DDX46: variants seen among roughly 807,000 people sequenced by gnomAD.
DDX46 encodes the protein DEAD-box helicase 46.
A neutral mutation model predicts 134.9 loss-of-function variants in DDX46; 30 were observed. The observed-to-expected ratio is 0.22, with a 90% CI of 0.17 to 0.30. The LOEUF (loss-of-function observed/expected upper bound fraction) is 0.30, where lower values mean the gene tolerates loss of function less well. Among genes scored for constraint, DDX46 ranks in the 10% least tolerant of loss-of-function variants. DDX46 has a pLI of 1.00. For synonymous variants in DDX46, 415 were observed against 404.1 expected, an observed-to-expected ratio of 1.03 and a Z score of -0.32; for missense variants, 622 against 1,248.7, an observed-to-expected ratio of 0.50 and a Z score of 7.56.
intron 16 of DDX46, 43 bp downstream of exon 16, chr5:134,807,984 T>C (rs1755036685): frequency 6.6e-7 from 1 of 1,518,500 alleles, no homozygotes; most frequent in Non-Finnish European, 8.9e-7. Context: ...TATATTAAAA[T>C]ACAGGTGTTT....
chr5:134,801,331 CT>C (rs990443239), intron 15 of DDX46, among the ~76,000 whole-genome samples: 1 of 151,752 alleles, frequency 6.6e-6, no homozygotes, highest in Non-Finnish European at 1.5e-5. Context: ...TTGCAGTTGG[CT>C]TTTTTTTACT....
Position 134,818,981 on chromosome 5 carries a change from G to A in DDX46, c.2954G>A (p.Arg985Gln), listed in dbSNP as rs769155594. The A allele has an allele frequency of 6.2e-7, 1 of 1,613,422 alleles. No homozygotes were observed. Among genetic ancestry groups the A allele is most frequent in the Non-Finnish European group, 8.5e-7 (1 of 1,179,742 alleles). The part of the protein sequence containing the change: ...PPGKEPKEGE[R>Q]KIYLAIESAN... ...GGCAAAGAACCCAAGGAAGGCGAGCGGAAGATTTACTTGGCAATTGAAAGT... is the reference window on the plus strand; with the variant it reads ...GGCAAAGAACCCAAGGAAGGCGAGCAGAAGATTTACTTGGCAATTGAAAGT... The change falls in exon 21 of 23, where the codon CGG becomes CAG. Residue 985 changes from arginine (R) to glutamine (Q), a missense_variant. Coordinates refer to ENST00000452510, the MANE Select transcript of DDX46 (RefSeq NM_001300860.2).
At chr5:134,795,919 G>C (rs1754642039) in intron 14 of DDX46, 69 bp from the exon 15 acceptor site, 2 of 1,399,248 alleles carry the variant, frequency 1.4e-6, no homozygotes, top group Non-Finnish European at 2.0e-6. Context: ...CAAATAAAAT[G>C]AATATTTCTG....
intron 21 of DDX46, among the ~76,000 whole-genome samples, chr5:134,821,896 G>GTTTTTTTTTTT (rs576418677): frequency 1.5e-5 from 2 of 133,102 alleles, no homozygotes; most frequent in Non-Finnish European, 3.3e-5. Flanking sequence ...GTTTTTTTTT[G>GTTTTTTTTTTT]TTTTTTTTTT....
intron 2 of DDX46, among the ~76,000 whole-genome samples, chr5:134,764,995 T>C (rs1294941739): frequency 6.6e-6 from 1 of 151,180 alleles, no homozygotes; most frequent in Non-Finnish European, 1.5e-5. Flanking sequence ...GCAGACCCTC[T>C]CCAAGCCTCT....
intron 3 of DDX46, among the ~76,000 whole-genome samples, chr5:134,769,520 C>T (rs112365545): frequency 7.5e-4 from 109 of 145,736 alleles, no homozygotes; most frequent in African/African-American, 2.5e-3. Flanking sequence ...TTAGTAGAGA[C>T]GGGGTTTGTT....
At chr5:134,771,218 C>A (rs1209017366) in intron 4 of DDX46, among the ~76,000 whole-genome samples, 1 of 151,654 alleles carries the variant, frequency 6.6e-6, no homozygotes, top group Non-Finnish European at 1.5e-5. Flanking sequence ...CCTCAGCCTC[C>A]CAAGTAGTTG....
chr5:134,808,996 A>T (rs894031099), intron 16 of DDX46, among the ~76,000 whole-genome samples: 2 of 152,182 alleles, frequency 1.3e-5, no homozygotes, highest in African/African-American at 4.8e-5. Context: ...AGTGTTTTAC[A>T]TATGTAATGT....
intron 15 of DDX46, among the ~76,000 whole-genome samples, chr5:134,807,117 A>G (rs1229293226): frequency 2.0e-5 from 3 of 148,476 alleles, no homozygotes; most frequent in African/African-American, 5.0e-5. Context: ...GCAGTGGCGC[A>G]ATCTCGGCTC....
At chr5:134,809,569 T>TA (rs1755082169) in intron 16 of DDX46, among the ~76,000 whole-genome samples, 1 of 151,866 alleles carries the variant, frequency 6.6e-6, no homozygotes, top group Non-Finnish European at 1.5e-5. Flanking sequence ...GGGTTTCTAC[T>TA]AAAACCTGTG....
intron 13 of DDX46, among the ~76,000 whole-genome samples, chr5:134,793,395 G>A (rs1389026102): frequency 1.3e-5 from 2 of 152,076 alleles, no homozygotes; most frequent in Non-Finnish European, 2.9e-5. Flanking sequence ...ATTGAAAATA[G>A]TGAGAATTGG....
At chr5:134,795,466 C>G (rs1037432272) in intron 14 of DDX46, among the ~76,000 whole-genome samples, 8 of 152,076 alleles carry the variant, frequency 5.3e-5, no homozygotes, top group Admixed American at 1.3e-4. Context: ...GAATAGCACC[C>G]TAGGCATAGT....
At chr5:134,761,346 A>G (rs1406018057) in intron 1 of DDX46, among the ~76,000 whole-genome samples, 4 of 152,050 alleles carry the variant, frequency 2.6e-5, no homozygotes, top group East Asian at 1.9e-4. Flanking sequence ...TATTTATTGT[A>G]TCGAATGAGA....
Position 134,818,926 on chromosome 5 carries a change from A to G in DDX46, c.2899A>G (p.Ile967Val), listed in dbSNP as rs1561874400. 2 of 1,614,060 alleles carry G rather than the reference A, an allele frequency of 1.2e-6. No individual in the cohort carries two copies. The highest frequency in any genetic ancestry group is 1.7e-6 in the Non-Finnish European group (2 of 1,179,994). ...AATCAGTGAATACTCTGAAGCCGCA[A>G]TTACAATCAGAGGAACCTACTTCCC... ...QRISEYSEAA[I>V]TIRGTYFPPG... Residue 967 changes from isoleucine (I) to valine (V), a missense_variant, in exon 21 of 23, where the codon ATT becomes GTT. Transcript: ENST00000452510.
At chr5:134,765,072 A>AT (rs1753522006) in intron 2 of DDX46, among the ~76,000 whole-genome samples, 2 of 146,320 alleles carry the variant, frequency 1.4e-5, no homozygotes, top group Admixed American at 6.8e-5. Flanking sequence ...TTTTTTTTTA[A>AT]TTTATTTTTT....
chr5:134,817,727 TTTA>T lies in DDX46; in HGVS notation c.2832+14_2832+16del. 1 of 1,603,674 alleles carries T rather than the reference TTTA, an allele frequency of 6.2e-7. No individual in the cohort carries two copies. The highest frequency in any genetic ancestry group is 8.5e-7 in the Non-Finnish European group (1 of 1,174,966). On this transcript the variant is annotated intron_variant, in intron 20 of 22. Transcript: ENST00000452510. ...TGACTTCCCACAGGCAAGTAACAGG[TTTA>T]AACCTTTTTTTATTGTGAAGTAGCA...
At chr5:134,792,900 A>G (rs755594743) in intron 13 of DDX46, among the ~76,000 whole-genome samples, 5 of 152,162 alleles carry the variant, frequency 3.3e-5, no homozygotes, top group Non-Finnish European at 7.3e-5. Flanking sequence ...TATGCTTAGG[A>G]TCTCTGCACT....
chr5:134,801,043 G>C (rs1754813217), intron 15 of DDX46, among the ~76,000 whole-genome samples: 3 of 152,122 alleles, frequency 2.0e-5, no homozygotes, highest in Admixed American at 2.0e-4. Flanking sequence ...CAGCACTTTG[G>C]GAGGCCGAGT....
intron 13 of DDX46, among the ~76,000 whole-genome samples, chr5:134,793,323 A>C (rs770114119): frequency 1.4e-4 from 22 of 152,364 alleles, no homozygotes; most frequent in Middle Eastern, 3.4e-3. Flanking sequence ...GCAAAGCTGC[A>C]CACTGACTTA....
Sources: gnomAD v4.1 joint callset for allele counts (sites outside exome capture counted in the v4.1 genomes callset) on GRCh38, gnomAD v4.1.1 for gene constraint, MANE v1.5 for transcripts, NCBI Gene and HGNC (gene_info 2026-07-23, HGNC 2026-07-21) for gene names.